The following VWA3B variants were observed in gnomAD, a reference collection of about 807,000 sequenced individuals.
The protein encoded by VWA3B is von Willebrand factor A domain-containing protein 3B.
Under a neutral mutation model 158.3 loss-of-function variants are expected in VWA3B, and 138 were observed. The ratio of observed to expected loss-of-function variants is 0.87; its 90% confidence interval spans 0.76 to 1.00. The LOEUF (loss-of-function observed/expected upper bound fraction) is 1.00. Ranked by LOEUF, VWA3B falls within the 50% of genes least tolerant of loss-of-function variation. The pLI is 0.00. For synonymous variants in VWA3B, 596 were observed against 587.3 expected, an observed-to-expected ratio of 1.01 and a Z score of -0.21; for missense variants, 1,555 against 1,565.1, an observed-to-expected ratio of 0.99 and a Z score of 0.11.
intron 21 of VWA3B, among the ~76,000 whole-genome samples, chr2:98,268,948 A>G (rs1029088102): frequency 2.0e-5 from 3 of 152,058 alleles, no homozygotes; most frequent in African/African-American, 7.3e-5. Flanking sequence ...TTTAATTTCT[A>G]TGTTACCCAG....
At chr2:98,128,033 A>G (rs1573842621) in intron 5 of VWA3B, 1 of 544,046 alleles carries the variant, frequency 1.8e-6, no homozygotes, top group Non-Finnish European at 3.3e-6. Context: ...GACAATAGCC[A>G]CTGTTGACAG....
At chr2:98,302,233 T>C (rs568970865) in intron 25 of VWA3B, among the ~76,000 whole-genome samples, 1 of 152,228 alleles carries the variant, frequency 6.6e-6, no homozygotes, top group African/African-American at 2.4e-5. Flanking sequence ...CCCGTCACCC[T>C]AAAGACTCTG....
chr2:98,099,759 TTTTTA>T (rs1208659035), intron 2 of VWA3B, among the ~76,000 whole-genome samples: 1 of 152,122 alleles, frequency 6.6e-6, no homozygotes, highest in Non-Finnish European at 1.5e-5. Flanking sequence ...CCCTTTTTCT[TTTTTA>T]TTTTTTCTGC....
intron 3 of VWA3B, among the ~76,000 whole-genome samples, chr2:98,118,517 A>G (rs1559547051): frequency 1.3e-5 from 2 of 152,212 alleles, no homozygotes; most frequent in Non-Finnish European, 2.9e-5. Flanking sequence ...GGGGCTTGCA[A>G]CTTAGCTCAC....
In VWA3B at chr2:98,267,215, C is replaced by T. The variant is rs1270760038; in HGVS notation, c.2844-3467C>T. Among the ~76,000 whole-genome samples, 10 of 151,232 alleles carry T rather than the reference C, an allele frequency of 6.6e-5. No individual in the cohort carries two copies. In the East Asian group the frequency reaches 1.6e-3, roughly 24 times the overall value. On this transcript the variant is annotated intron_variant, in intron 21 of 27. Transcript: ENST00000477737. ...AGATAGCTCTTATTATTTTGAGATA[C>T]GTCCCATCAATACCTAATTTATTGA...
chr2:98,239,341 CGTGCT>C (rs1558714107), intron 19 of VWA3B, among the ~76,000 whole-genome samples: 4 of 24,460 alleles, frequency 1.6e-4, no homozygotes, highest in Admixed American at 3.2e-4. Context: ...GAAAAGTCCT[CGTGCT>C]AAATGAAATA....
chr2:98,302,957 C>T lies in VWA3B; in HGVS notation c.3421-745C>T, dbSNP rs940614709. Among the ~76,000 whole-genome samples, 6 of 152,258 alleles carry T rather than the reference C, an allele frequency of 3.9e-5. No individual in the cohort carries two copies. In the East Asian group the frequency reaches 1.2e-3, roughly 29 times the overall value. On this transcript the variant is annotated intron_variant, in intron 25 of 27. Coordinates refer to ENST00000477737, the MANE Select transcript of VWA3B (RefSeq NM_144992.5). ...GGAGAAGGAGTTGTCTGCTCATCAC[C>T]CCAGAAAAAAACCCCTTGGAGAAAA...
intron 7 of VWA3B, among the ~76,000 whole-genome samples, chr2:98,147,728 T>A (rs1162082269): frequency 6.6e-6 from 1 of 152,108 alleles, no homozygotes; most frequent in Non-Finnish European, 1.5e-5. Flanking sequence ...TACTTTAAGT[T>A]CTAGGGTACA....
Position 98,211,947 on chromosome 2 carries a change from C to T in VWA3B, c.1755C>T (p.Asn585=), listed in dbSNP as rs373988511. The part of the protein sequence containing the change: ...IRDIKIGSST[N]TLSALKTAFA... ...TTCCGTAGATTGGAAGCTCCACAAA[C>T]ACCCTGAGTGCCCTGAAAACTGCTT... Residue 585 remains asparagine (N), a synonymous_variant, in exon 13 of 28, where the codon AAC becomes AAT. Transcript: ENST00000477737. 4,568 of 1,614,072 alleles carry T rather than the reference C, an allele frequency of 2.8e-3. 135 individuals carry two copies. The South Asian group carries it at 0.047, about 17-fold the overall frequency.
chr2:98,283,854 A>G (rs1689017279), intron 22 of VWA3B, among the ~76,000 whole-genome samples: 2 of 152,254 alleles, frequency 1.3e-5, no homozygotes, highest in Admixed American at 6.5e-5. Context: ...CCAAAGTCCC[A>G]TAGCCAGGTG....
At chr2:98,317,401 T>C (rs1691110770), downstream of VWA3B, among the ~76,000 whole-genome samples, 2 of 152,210 alleles carry the variant, frequency 1.3e-5, no homozygotes, top group Admixed American at 6.5e-5. Context: ...GAAAGACTGG[T>C]TCAGGCCCTG....
intron 26 of VWA3B, among the ~76,000 whole-genome samples, chr2:98,310,366 G>C (rs1690810634): frequency 6.6e-6 from 1 of 152,148 alleles, no homozygotes; most frequent in South Asian, 2.1e-4. Context: ...AGTGGAACCA[G>C]CACAGCGCCA....
At chr2:98,210,588 T>G (rs1485591775) in intron 12 of VWA3B, among the ~76,000 whole-genome samples, 1 of 152,208 alleles carries the variant, frequency 6.6e-6, no homozygotes, top group African/African-American at 2.4e-5. Context: ...GGTCAGGTCA[T>G]GGGGTTCCCC....
At chr2:98,325,231 A>G in the VWA3B span, among the ~76,000 whole-genome samples, 6 of 152,236 alleles carry the variant, frequency 3.9e-5, no homozygotes, top group Non-Finnish European at 7.3e-5. Context: ...TCATAGTCAC[A>G]ATGTTGAAAA....
chr2:98,184,472 G>A (rs763773233), intron 9 of VWA3B, among the ~76,000 whole-genome samples: 6 of 152,184 alleles, frequency 3.9e-5, no homozygotes, highest in Non-Finnish European at 8.8e-5. Context: ...ATTCATGCCC[G>A]CTCATGTCAG....
intron 22 of VWA3B, among the ~76,000 whole-genome samples, chr2:98,276,977 TG>T (rs1455422076): frequency 6.6e-6 from 1 of 152,078 alleles, no homozygotes; most frequent in Non-Finnish European, 1.5e-5. Flanking sequence ...CGGCAGCAAA[TG>T]CTGTGTCCAG....
At chr2:98,143,275 G>A (rs926658847) in intron 7 of VWA3B, among the ~76,000 whole-genome samples, 6 of 152,172 alleles carry the variant, frequency 3.9e-5, no homozygotes, top group African/African-American at 1.4e-4. Context: ...CTGACCTCAA[G>A]TGATCCACCA....
chr2:98,266,310 C>T (rs1687823918), intron 21 of VWA3B, among the ~76,000 whole-genome samples: 1 of 151,788 alleles, frequency 6.6e-6, no homozygotes, highest in Admixed American at 6.6e-5. Context: ...GGAATCCTTT[C>T]CCCATTGCTT....
intron 2 of VWA3B, among the ~76,000 whole-genome samples, chr2:98,095,485 T>A (rs1403984404): frequency 1.3e-5 from 2 of 152,248 alleles, no homozygotes; most frequent in Non-Finnish European, 2.9e-5. Flanking sequence ...TCTGCAACTT[T>A]ACTGAATTTG....
Sources: gnomAD v4.1 joint callset for allele counts (sites outside exome capture counted in the v4.1 genomes callset) on GRCh38, gnomAD v4.1.1 for gene constraint, MANE v1.5 for transcripts, NCBI Gene and HGNC (gene_info 2026-07-23, HGNC 2026-07-21) for gene names.